MYO16: variants seen among roughly 807,000 people sequenced by gnomAD.
The protein encoded by MYO16 is unconventional myosin-XVI.
MYO16 carries 94 observed loss-of-function variants against 205.3 expected under a neutral mutation model. The ratio of observed to expected loss-of-function variants is 0.46; its 90% CI spans 0.39 to 0.54. MYO16 has a LOEUF of 0.54. MYO16 is among the 20% of genes least tolerant of loss of function. The pLI is 0.00. For missense variants in MYO16, 2,315 were observed against 2,387.5 expected (o/e 0.97, Z 0.63); for synonymous variants, 988 against 954.0 (o/e 1.04, Z -0.66).
chr13:109,141,472 A>G lies in MYO16; in HGVS notation c.5164+96A>G. 1 of 887,468 alleles carries G rather than the reference A, an allele frequency of 1.1e-6. No homozygotes were observed. Among genetic ancestry groups the G allele is most frequent in the Non-Finnish European group, 1.6e-6 (1 of 637,144 alleles). 55.0% of individuals were successfully genotyped at this position (887,468 alleles called of 1,614,324 possible). A position where few individuals can be genotyped will look rare whatever the true frequency, so the allele number is the denominator to read the frequency against. On this transcript the variant is annotated intron_variant, in intron 32 of 34. Coordinates refer to ENST00000457511, the MANE Select transcript of MYO16 (RefSeq NM_001198950.3). This position sits in a 1 kb window ranked among gnomAD's most constrained non-coding sequence, Gnocchi z 4.1. ...TGTCTGCGCAGATGTGAAATAGTAA[A>G]GTTTCAGGTGATGGCCGTGGTCGTT... is the stretch of plus-strand genomic sequence containing the variant.
chr13:109,099,018 C>T (rs1888868054), intron 27 of MYO16, among the ~76,000 whole-genome samples: 1 of 152,168 alleles, frequency 6.6e-6, no homozygotes, highest in African/African-American at 2.4e-5. Context: ...GGCAACTTCT[C>T]ATGTAGTTGT....
chr13:108,601,016 A>T (rs557077071), intron 1 of MYO16, among the ~76,000 whole-genome samples: 1 of 152,192 alleles, frequency 6.6e-6, no homozygotes, highest in Admixed American at 6.5e-5. Context: ...GGTCCTTTTT[A>T]CTTGAGGGCT....
chr13:108,528,545 GTCTCTCCTCTCCTCTCCTCTCC>G, the MYO16 span, among the ~76,000 whole-genome samples: 1 of 110,254 alleles, frequency 9.1e-6, no homozygotes, highest in African/African-American at 3.6e-5. Context: ...ATTTTATTTT[GTCTCTCCTCTCCTCTCCTCTCC>G]TCTCCCCTCC....
intron 34 of MYO16, among the ~76,000 whole-genome samples, chr13:109,183,165 C>T (rs1199263283): frequency 6.6e-6 from 1 of 152,094 alleles, no homozygotes; most frequent in Non-Finnish European, 1.5e-5. Context: ...AAAGTTTATG[C>T]TATTTGGCGT....
chr13:108,692,647 C>T (rs751623922), intron 2 of MYO16, among the ~76,000 whole-genome samples: 28 of 152,076 alleles, frequency 1.8e-4, no homozygotes, highest in African/African-American at 5.8e-4. Context: ...TGTCACACGG[C>T]GCATATCTTT....
intron 13 of MYO16, chr13:108,886,321 C>T: frequency 2.3e-6 from 1 of 442,226 alleles, no homozygotes; most frequent in Non-Finnish European, 4.5e-6. Context: ...TAATGATTCC[C>T]TGTACCAACC....
chr13:109,017,225 G>T (rs1369560621), intron 22 of MYO16, among the ~76,000 whole-genome samples: 2 of 152,106 alleles, frequency 1.3e-5, no homozygotes, highest in African/African-American at 4.8e-5. Flanking sequence ...CATTTATGAA[G>T]CTTAGTTTGG....
chr13:109,198,977 A>C (rs955062975), intron 34 of MYO16, among the ~76,000 whole-genome samples: 3 of 151,852 alleles, frequency 2.0e-5, no homozygotes, highest in African/African-American at 7.3e-5. Context: ...TTGTCATTTC[A>C]TCATAGAAAA....
chr13:108,888,646 A>C (rs949290099), intron 14 of MYO16, among the ~76,000 whole-genome samples, 169 bp downstream of exon 14: 1 of 152,248 alleles, frequency 6.6e-6, no homozygotes. Flanking sequence ...GTTCGAGTGA[A>C]CATTTATTTA....
At position 109,055,619 on chromosome 13, in the gene MYO16, C is replaced by A; in HGVS notation, c.3335+24C>A. 1.3e-6 allele frequency: 2 copies of A among 1,587,314 alleles called. No individual in the cohort carries two copies. Among genetic ancestry groups the A allele is most frequent in the South Asian group, 1.1e-5 (1 of 90,668 alleles). On this transcript the variant is annotated intron_variant, in intron 27 of 34. Transcript: ENST00000457511. The surrounding 1 kb of genome is among the most constrained non-coding windows in gnomAD (Gnocchi z 5.0). ...AGGTAAATTCTTCTGCTCTTAAAATCGTCGTTCTCGCTGCTGTTCAGTGCA... is the reference window on the plus strand; with the variant it reads ...AGGTAAATTCTTCTGCTCTTAAAATAGTCGTTCTCGCTGCTGTTCAGTGCA...
rs1002950555 is a variant in MYO16 at position 108,603,453 on chromosome 13, G to C, written c.-39+7214G>C. Among the ~76,000 whole-genome samples, 4 of 151,902 alleles carry C rather than the reference G, an allele frequency of 2.6e-5. No homozygotes were observed. In the South Asian group the frequency reaches 8.3e-4, roughly 32 times the overall value. ...ATTCATCAATTTCATATACAACTTTGGTTTTTTATGATTTTAGATGTTGAA... is the reference window on the plus strand; with the variant it reads ...ATTCATCAATTTCATATACAACTTTCGTTTTTTATGATTTTAGATGTTGAA... On this transcript the variant is annotated intron_variant, in intron 1 of 24. Coordinates refer to the MYO16 transcript ENST00000251041.
rs1220102420 is a variant in MYO16 at position 109,141,235 on chromosome 13, A to G, written c.5023A>G (p.Ser1675Gly). The change falls in exon 32 of 35, where the codon AGT becomes GGT. Residue 1675 changes from serine (S) to glycine (G), a missense_variant. Around this residue, in one of 3 missense-constraint regions of MYO16, gnomAD observed 1,097 missense variants for 1,092.0 expected, o/e 1.00. Transcript: ENST00000457511. The surrounding 1 kb of genome is among the most constrained non-coding windows in gnomAD (Gnocchi z 4.1). ...TRADARKAGS[S>G]ASPPAPYSPP... ...GGCGGACGCCAGGAAGGCCGGCTCC[A>G]GTGCCTCGCCCCCCGCGCCCTACAG... is the stretch of plus-strand genomic sequence containing the variant. The G allele has an allele frequency of 2.5e-6, 4 of 1,605,794 alleles. No homozygotes were observed. In the African/African-American group the frequency reaches 4.1e-5, roughly 16 times the overall value.
At chr13:109,172,318 G>A (rs1486337510) in intron 33 of MYO16, among the ~76,000 whole-genome samples, 1 of 152,200 alleles carries the variant, frequency 6.6e-6, no homozygotes, top group Non-Finnish European at 1.5e-5. Flanking sequence ...TCTATTTTAA[G>A]CAACAGAAGT....
At chr13:108,709,697 T>C (rs1305937548) in intron 2 of MYO16, among the ~76,000 whole-genome samples, 1 of 135,648 alleles carries the variant, frequency 7.4e-6, no homozygotes, top group Non-Finnish European at 1.6e-5. Context: ...TATCTTCACA[T>C]TTAGGTCTCT....
intron 28 of MYO16, among the ~76,000 whole-genome samples, chr13:109,103,136 A>C (rs891075378): frequency 1.3e-5 from 2 of 152,188 alleles, no homozygotes; most frequent in Non-Finnish European, 2.9e-5. Flanking sequence ...AAAGGAAAAA[A>C]AGATTTTGTT....
chr13:109,125,097 A>T lies in MYO16; in HGVS notation c.3536-15A>T. ...CTTTTCCTCCATTTACTAACCCATG[A>T]TCCTTCTATAAAAGTTATCAGAGGA... On this transcript the variant is annotated splice_polypyrimidine_tract_variant and intron_variant, in intron 29 of 34. Coordinates refer to ENST00000457511, the MANE Select transcript of MYO16 (RefSeq NM_001198950.3). The surrounding 1 kb of genome is among the most constrained non-coding windows in gnomAD (Gnocchi z 4.0). 1 of 1,613,386 alleles carries T rather than the reference A, an allele frequency of 6.2e-7. No individual in the cohort carries two copies.
intron 7 of MYO16, among the ~76,000 whole-genome samples, chr13:108,808,468 C>T (rs765731877): frequency 4.0e-4 from 60 of 151,832 alleles, no homozygotes; most frequent in Admixed American, 4.6e-4. Context: ...CTCACCACCA[C>T]GCCTGGCTAA....
intron 4 of MYO16, among the ~76,000 whole-genome samples, chr13:108,766,091 C>T (rs1280500514): frequency 7.2e-5 from 11 of 152,064 alleles, no homozygotes; most frequent in Non-Finnish European, 1.5e-4. Flanking sequence ...GACTCCCCAC[C>T]ATATAACCTC....
At chr13:108,993,533 G>T (rs1884904595) in intron 21 of MYO16, among the ~76,000 whole-genome samples, 1 of 152,012 alleles carries the variant, frequency 6.6e-6, no homozygotes, top group African/African-American at 2.4e-5. Context: ...TGTTAATTAC[G>T]CTGACTTACC....
Sources: gnomAD v4.1 joint callset for allele counts (sites outside exome capture counted in the v4.1 genomes callset) on GRCh38, gnomAD v4.1.1 for gene constraint, gnomAD v4.1.1 regional missense constraint, Gnocchi (gnomAD v3.1) non-coding constraint, MANE v1.5 for transcripts, NCBI Gene and HGNC (gene_info 2026-07-23, HGNC 2026-07-21) for gene names.